Variants in ARHGAP32 observed in about 807,000 individuals in gnomAD.
The protein encoded by ARHGAP32 is Rho GTPase activating protein 32.
ARHGAP32 carries 51 observed loss-of-function variants against 186.5 expected under a neutral mutation model. The observed-to-expected ratio is 0.27, with a 90% CI of 0.22 to 0.35. The LOEUF (loss-of-function observed/expected upper bound fraction) is 0.35, where lower values mean the gene tolerates loss of function less well. Ranked by LOEUF, ARHGAP32 falls within the 10% of genes least tolerant of loss-of-function variation. ARHGAP32 has a pLI of 1.00. For synonymous variants in ARHGAP32, 950 were observed against 964.3 expected (o/e 0.99, Z 0.27); for missense variants, 2,186 against 2,623.5 (o/e 0.83, Z 3.64).
intron 1 of ARHGAP32, among the ~76,000 whole-genome samples, chr11:129,174,565 A>C (rs550206557): frequency 6.6e-6 from 1 of 152,146 alleles, no homozygotes; most frequent in African/African-American, 2.4e-5. Flanking sequence ...GAAGAGAGCA[A>C]TGCTTCTCCC....
chr11:129,188,609 T>G (rs1944211343), intron 1 of ARHGAP32, among the ~76,000 whole-genome samples: 1 of 152,072 alleles, frequency 6.6e-6, no homozygotes, highest in Non-Finnish European at 1.5e-5. Context: ...ACCCCTGAGG[T>G]AGAGGATGAA....
intron 11 of ARHGAP32, among the ~76,000 whole-genome samples, chr11:129,003,062 C>T (rs1216553553): frequency 1.3e-5 from 2 of 152,148 alleles, no homozygotes; most frequent in East Asian, 1.9e-4. Flanking sequence ...TCCCAAAGTG[C>T]TGGGATTACA....
At chr11:129,228,635 C>T (rs1467536750) in intron 1 of ARHGAP32, among the ~76,000 whole-genome samples, 2 of 152,112 alleles carry the variant, frequency 1.3e-5, no homozygotes, top group Non-Finnish European at 2.9e-5. Context: ...CATGTTCTCA[C>T]TATTAAGTGG....
intron 2 of ARHGAP32, among the ~76,000 whole-genome samples, chr11:129,142,203 C>T (rs902631625): frequency 6.6e-6 from 1 of 152,116 alleles, no homozygotes. Context: ...CCCGGCTCTT[C>T]CCCTCTTTCC....
At chr11:129,127,499 T>C (rs531024649) in intron 2 of ARHGAP32, among the ~76,000 whole-genome samples, 1 of 151,394 alleles carries the variant, frequency 6.6e-6, no homozygotes, top group East Asian at 1.9e-4. Flanking sequence ...TTTTTGTGAA[T>C]GAACAAATAC....
In ARHGAP32 at chr11:128,972,812, C is replaced by G. The variant is rs781426500; in HGVS notation, c.3694G>C (p.Gly1232Arg). The stretch of plus-strand genomic sequence containing the variant: ...TGATGGAGTTTATCCACACTTGCAC[C>G]AAGATAAGAAGGAGGCTGATCTCCA... ...YSGDQPPSYL[G>R]ASVDKLHHPL... The change falls in exon 22 of 23, where the codon GGT becomes CGT. Residue 1232 changes from glycine (G) to arginine (R), a missense_variant. Physicochemically the swap from Gly to Arg is moderately radical, Grantham distance 125. Coordinates refer to ENST00000682385, the MANE Select transcript of ARHGAP32 (RefSeq NM_001378024.1). 9.3e-6 allele frequency: 15 copies of G among 1,613,656 alleles called. No individual in the cohort carries two copies. In the South Asian group the frequency reaches 1.5e-4, roughly 17 times the overall value.
chr11:129,167,643 T>C (rs1022136653), intron 1 of ARHGAP32, among the ~76,000 whole-genome samples: 1 of 152,212 alleles, frequency 6.6e-6, no homozygotes, highest in African/African-American at 2.4e-5. Context: ...TATAATTCTC[T>C]ATATATGAAA....
chr11:129,107,508 C>T (rs1942080756), intron 5 of ARHGAP32, among the ~76,000 whole-genome samples: 1 of 152,102 alleles, frequency 6.6e-6, no homozygotes, highest in African/African-American at 2.4e-5. Context: ...TGTTATTGGG[C>T]ACATGATATA....
intron 6 of ARHGAP32, among the ~76,000 whole-genome samples, chr11:129,090,776 A>G (rs1051607934): frequency 1.3e-5 from 2 of 152,192 alleles, no homozygotes; most frequent in African/African-American, 2.4e-5. Flanking sequence ...TGTTAAACTC[A>G]CAAAACGTTT....
intron 6 of ARHGAP32, among the ~76,000 whole-genome samples, chr11:129,090,378 T>G (rs1348712483): frequency 6.6e-6 from 1 of 152,168 alleles, no homozygotes; most frequent in Non-Finnish European, 1.5e-5. Context: ...CACAAGAGCA[T>G]TCAGATTACT....
rs1471032804 is a variant in ARHGAP32, at chr11:128,969,302, AAGG to A, written c.5908_5910del (p.Pro1970del). ...TCTCTGGAGTGTTTCTCTGGGGCAG[AAGG>A]CTGCCTAACCCAGGGTCGCTCCATC... On this transcript the variant is annotated inframe_deletion, in exon 23 of 23. Coordinates refer to ENST00000682385, the MANE Select transcript of ARHGAP32 (RefSeq NM_001378024.1). This position sits in a 1 kb window ranked among gnomAD's most constrained non-coding sequence, Gnocchi z 4.8. The A allele has an allele frequency of 6.2e-7, 1 of 1,614,196 alleles. No homozygotes were observed. Among genetic ancestry groups the A allele is most frequent in the Admixed American group, 1.7e-5 (1 of 60,022 alleles).
intron 18 of ARHGAP32, 75 bp downstream of exon 18, chr11:128,980,478 A>G: frequency 8.0e-7 from 1 of 1,243,182 alleles, no homozygotes; most frequent in Admixed American, 2.5e-5. Context: ...ATACAAAATT[A>G]AAAGCAAACT....
At chr11:128,992,769 A>G (rs1356785795) in intron 12 of ARHGAP32, among the ~76,000 whole-genome samples, 1 of 152,156 alleles carries the variant, frequency 6.6e-6, no homozygotes, top group East Asian at 1.9e-4. Flanking sequence ...CCTGGGCAAC[A>G]AGAGCAAAAC....
At chr11:129,216,853 A>C (rs1283094832) in intron 1 of ARHGAP32, among the ~76,000 whole-genome samples, 1 of 151,862 alleles carries the variant, frequency 6.6e-6, no homozygotes, top group African/African-American at 2.4e-5. Context: ...AAAATTATTA[A>C]TTTCTACTTT....
At chr11:129,021,297 G>A (rs1202022555) in intron 11 of ARHGAP32, among the ~76,000 whole-genome samples, 1 of 152,028 alleles carries the variant, frequency 6.6e-6, no homozygotes, top group African/African-American at 2.4e-5. Flanking sequence ...CTGAGAGAAA[G>A]AGAGCAGAAA....
intron 1 of ARHGAP32, among the ~76,000 whole-genome samples, chr11:129,187,153 T>C (rs1944179201): frequency 6.6e-6 from 1 of 152,192 alleles, no homozygotes; most frequent in Non-Finnish European, 1.5e-5. Context: ...GAAAATGTGG[T>C]ACTTATACCC....
intron 15 of ARHGAP32, among the ~76,000 whole-genome samples, chr11:128,982,263 T>C (rs1945724449): frequency 6.6e-6 from 1 of 152,118 alleles, no homozygotes; most frequent in Non-Finnish European, 1.5e-5. Flanking sequence ...CAAGAAAAAT[T>C]CCAATAGGCA....
chr11:129,035,800 C>T (rs962292484), intron 11 of ARHGAP32, among the ~76,000 whole-genome samples: 7 of 151,702 alleles, frequency 4.6e-5, no homozygotes, highest in East Asian at 1.9e-4. Context: ...GCCGAGATCA[C>T]GCCACCGCAC....
chr11:129,171,412 A>C (rs972578013), intron 1 of ARHGAP32, among the ~76,000 whole-genome samples: 1 of 152,144 alleles, frequency 6.6e-6, no homozygotes, highest in East Asian at 1.9e-4. Flanking sequence ...TCCCAGCACC[A>C]TTTACTGAAT....
Sources: allele counts gnomAD v4.1 joint callset (sites outside exome capture counted in the v4.1 genomes callset), GRCh38; gene constraint gnomAD v4.1.1; non-coding constraint Gnocchi (gnomAD v3.1); transcripts MANE v1.5; gene names NCBI Gene and HGNC (gene_info 2026-07-23, HGNC 2026-07-21).